The following ITGA3 variants were observed in gnomAD, a reference collection of about 807,000 sequenced individuals.
The protein encoded by ITGA3 is integrin subunit alpha 3, also known as integrin alpha-3.
ITGA3 carries 70 observed loss-of-function variants against 131.1 expected under a neutral mutation model. The ratio of observed to expected loss-of-function variants is 0.53; its 90% CI spans 0.44 to 0.65. The LOEUF (loss-of-function observed/expected upper bound fraction) is 0.65, where lower values mean the gene tolerates loss of function less well. Among genes scored for constraint, ITGA3 ranks in the 30% least tolerant of loss-of-function variants. The pLI is 0.00. For synonymous variants in ITGA3, 537 were observed against 571.6 expected (o/e 0.94, Z 0.86); for missense variants, 1,098 against 1,388.6 (o/e 0.79, Z 3.33).
rs1482705540 is a variant in ITGA3, at chr17:50,079,442, G to A, written c.2591G>A (p.Gly864Glu). Residue 864 changes from glycine (G) to glutamate (E), a missense_variant, in exon 21 of 26, where the codon GGG becomes GAG. Transcript: ENST00000320031. ...NPLNLTLSDP[G>E]DRPSSPQRRR... The stretch of plus-strand genomic sequence containing the variant: ...CTCCTATTTCCTCTCCAGGACCCTG[G>A]GGACAGGCCATCATCCCCACAGCGC... 6.4e-7 allele frequency: 1 copy of A among 1,563,556 alleles called. No homozygotes were observed. The highest frequency in any genetic ancestry group is 8.7e-7 in the Non-Finnish European group (1 of 1,153,948).
At chr17:50,085,885 T>TATATATTTATACATTATA (rs1491334971) in intron 23 of ITGA3, among the ~76,000 whole-genome samples, 2 of 133,918 alleles carry the variant, frequency 1.5e-5, no homozygotes, top group African/African-American at 5.5e-5. Flanking sequence ...AGATTTATAA[T>TATATATTTATACATTATA]GTATATTAGA....
chr17:50,069,791 T>C (rs1908538782), intron 4 of ITGA3, among the ~76,000 whole-genome samples: 1 of 152,228 alleles, frequency 6.6e-6, no homozygotes, highest in Non-Finnish European at 1.5e-5. Context: ...TAAAAGACCA[T>C]GCTTGTAAAA....
At chr17:50,082,706 GC>G (rs1481908434) in intron 23 of ITGA3, among the ~76,000 whole-genome samples, 4 of 152,142 alleles carry the variant, frequency 2.6e-5, no homozygotes, top group Non-Finnish European at 5.9e-5. Flanking sequence ...CTACATGCTA[GC>G]AATAACCAAT....
chr17:50,060,011 G>C (rs953623687), intron 1 of ITGA3, among the ~76,000 whole-genome samples: 2 of 152,124 alleles, frequency 1.3e-5, no homozygotes, highest in Non-Finnish European at 2.9e-5. Context: ...GGAAGGATGG[G>C]GAGGGCTGCA....
chr17:50,081,748 G>A (rs958146830), intron 23 of ITGA3, among the ~76,000 whole-genome samples: 1 of 152,192 alleles, frequency 6.6e-6, no homozygotes, highest in African/African-American at 2.4e-5. Flanking sequence ...AGAGGCTGAG[G>A]CCTAGAGAGA....
Position 50,078,934 on chromosome 17 carries a change from G to A in ITGA3, c.2400+8G>A. On this transcript the variant is annotated splice_region_variant and intron_variant, in intron 19 of 25. Transcript: ENST00000320031. Reference sequence around the variant, plus strand: ...CTCAAGTATGAATTCCAGGTAAGGGGCTCGCCAGAGTCCTGGGCTGGGGAC... The same window carrying A: ...CTCAAGTATGAATTCCAGGTAAGGGACTCGCCAGAGTCCTGGGCTGGGGAC... The A allele has an allele frequency of 1.3e-6, 2 of 1,572,506 alleles. No individual in the cohort carries two copies. Among genetic ancestry groups the A allele is most frequent in the Admixed American group, 1.7e-5 (1 of 59,980 alleles).
At position 50,088,355 on chromosome 17, in the gene ITGA3, CG is replaced by C; in HGVS notation, c.*22del. On this transcript the variant is annotated 3_prime_UTR_variant, in exon 25 of 26. Coordinates refer to ENST00000320031, the MANE Select transcript of ITGA3 (RefSeq NM_002204.4). ...TACTGAGGGGGCAGCCCCCCGCCCC[CG>C]GCCCACCTGGGTAACACGGCCTCCG... 6.5e-7 allele frequency: 1 copy of C among 1,546,596 alleles called. No homozygotes were observed. The highest frequency in any genetic ancestry group is 8.8e-7 in the Non-Finnish European group (1 of 1,141,956).
rs1242903861 is a variant in ITGA3, at chr17:50,076,698, G to A, written c.1922+17G>A. Reference sequence around the variant, plus strand: ...GCTGAGCAGGTGGCTGTGGGCCGCCGGCCGCGTTAATCGGCCAAGGGTGGG... The same window carrying A: ...GCTGAGCAGGTGGCTGTGGGCCGCCAGCCGCGTTAATCGGCCAAGGGTGGG... On this transcript the variant is annotated intron_variant, in intron 14 of 25. Coordinates refer to ENST00000320031, the MANE Select transcript of ITGA3 (RefSeq NM_002204.4). The A allele has an allele frequency of 1.2e-6, 2 of 1,605,834 alleles. No homozygotes were observed. The highest frequency in any genetic ancestry group is 2.2e-5 in the East Asian group (1 of 44,822).
chr17:50,085,647 G>A (rs1909353824), intron 23 of ITGA3, among the ~76,000 whole-genome samples: 2 of 148,390 alleles, frequency 1.3e-5, no homozygotes, highest in Non-Finnish European at 3.0e-5. Context: ...CTGGGCAACA[G>A]AATGGAACTC....
Position 50,074,297 on chromosome 17 carries a change from G to A in ITGA3, c.1382+17G>A, listed in dbSNP as rs376879376. On this transcript the variant is annotated intron_variant, in intron 9 of 25. Coordinates refer to ENST00000320031, the MANE Select transcript of ITGA3 (RefSeq NM_002204.4). Reference sequence around the variant, plus strand: ...GCTGCTGCGGTGAGCCAGGAGGCCAGTGAATAAGGGTCTTTCTCTTCTTCA... The same window carrying A: ...GCTGCTGCGGTGAGCCAGGAGGCCAATGAATAAGGGTCTTTCTCTTCTTCA... 1 of 1,612,804 alleles carries A rather than the reference G, an allele frequency of 6.2e-7. No homozygotes were observed. Among genetic ancestry groups the A allele is most frequent in the African/African-American group, 1.3e-5 (1 of 74,900 alleles).
At position 50,056,738 on chromosome 17, in the gene ITGA3, C is replaced by A. The variant is rs1000541321; in HGVS notation, c.206+93C>A. ...CTGAGTCGGAGCCCAGGGCAGCTGG[C>A]CCTTGGGAGCCAGGATTAAGGGGCG... On this transcript the variant is annotated intron_variant, in intron 1 of 25. Transcript: ENST00000320031. This position sits in a 1 kb window ranked among gnomAD's most constrained non-coding sequence, Gnocchi z 5.6. 8.5e-6 allele frequency: 11 copies of A among 1,292,232 alleles called. No individual in the cohort carries two copies. Among genetic ancestry groups the A allele is most frequent in the Non-Finnish European group, 1.2e-5 (11 of 942,340 alleles). The allele number at this position is 1,292,232 out of a possible 1,614,324, so 80.0% of individuals were successfully genotyped here. A position where few individuals can be genotyped will look rare whatever the true frequency, so the allele number is the denominator to read the frequency against.
rs535251945 is a variant in ITGA3, at chr17:50,062,931, C to T, written c.207-1146C>T. On this transcript the variant is annotated intron_variant, in intron 1 of 25. Transcript: ENST00000320031. ...CTCCTGGCAGAACATTTAGAGGCTG[C>T]AGGGAGGTGATGTGGGGAGAAAATC... is the stretch of plus-strand genomic sequence containing the variant. Among the ~76,000 whole-genome samples, 5 of 152,302 alleles carry T rather than the reference C, an allele frequency of 3.3e-5. No individual in the cohort carries two copies. The South Asian group carries it at 1.0e-3, about 32-fold the overall frequency.
At chr17:50,075,569 C>A in intron 11 of ITGA3, 30 bp from the exon 12 acceptor site, 2 of 1,614,226 alleles carry the variant, frequency 1.2e-6, no homozygotes, top group Non-Finnish European at 1.7e-6. Context: ...GCTCCCCTGT[C>A]CCCTTGCTGA....
intron 5 of ITGA3, 91 bp from the exon 6 acceptor site, chr17:50,071,220 G>A: frequency 2.6e-6 from 3 of 1,143,376 alleles, no homozygotes; most frequent in Non-Finnish European, 3.8e-6. Context: ...CATCATGGTG[G>A]GGGGCAAGAG....
At chr17:50,082,097 C>T (rs1000105828) in intron 23 of ITGA3, among the ~76,000 whole-genome samples, 6 of 152,210 alleles carry the variant, frequency 3.9e-5, no homozygotes, top group African/African-American at 1.2e-4. Flanking sequence ...AAGAAATCCT[C>T]CCACCTCAGC....
chr17:50,085,403 G>A (rs1362669431), intron 23 of ITGA3, among the ~76,000 whole-genome samples: 1 of 151,812 alleles, frequency 6.6e-6, no homozygotes, highest in Non-Finnish European at 1.5e-5. Context: ...GGTGGCTCAC[G>A]CCTGTAATCC....
intron 1 of ITGA3, among the ~76,000 whole-genome samples, chr17:50,057,835 C>CCGCCTTGGTTCTGCCCT (rs1286017489): frequency 1.3e-5 from 2 of 152,316 alleles, no homozygotes; most frequent in Non-Finnish European, 2.9e-5. Context: ...AACTCTGCCC[C>CCGCCTTGGTTCTGCCCT]CGCCTTGGTT....
At chr17:50,088,403 C>A in intron 25 of ITGA3, 37 bp downstream of exon 25, 1 of 1,170,182 alleles carries the variant, frequency 8.5e-7, no homozygotes, top group South Asian at 1.3e-5. Context: ...CCGAGCCCCA[C>A]AGCTGGCCGG....
At chr17:50,088,644 G>A (rs1428785664) in intron 25 of ITGA3, among the ~76,000 whole-genome samples, 6 of 152,164 alleles carry the variant, frequency 3.9e-5, no homozygotes, top group Non-Finnish European at 8.8e-5. Context: ...CAAGGTCAAG[G>A]GCAAGGCCAG....
Sources: allele counts gnomAD v4.1 joint callset (sites outside exome capture counted in the v4.1 genomes callset), GRCh38; gene constraint gnomAD v4.1.1; non-coding constraint Gnocchi (gnomAD v3.1); transcripts MANE v1.5; gene names NCBI Gene and HGNC (gene_info 2026-07-23, HGNC 2026-07-21).